Variants in RFX4 observed in about 807,000 individuals in gnomAD.
RFX4 encodes the protein transcription factor RFX4.
RFX4 carries 10 observed loss-of-function variants against 95.0 expected under a neutral mutation model. That is an observed-to-expected ratio of 0.11 (90% confidence interval 0.06 to 0.18). The LOEUF is 0.18. RFX4 is among the 10% of genes least tolerant of loss of function. The probability of loss-of-function intolerance (pLI) is 1.00; values close to 1 mark genes in which losing one functional copy is unlikely to be tolerated. For synonymous variants in RFX4, 321 were observed against 340.7 expected (o/e 0.94, Z 0.64); for missense variants, 640 against 922.0 (o/e 0.69, Z 3.96).
intron 15 of RFX4, among the ~76,000 whole-genome samples, chr12:106,747,111 C>T (rs1178118615): frequency 6.6e-6 from 1 of 152,116 alleles, no homozygotes; most frequent in African/African-American, 2.4e-5. Flanking sequence ...GGGATCTGGC[C>T]TAGTCTGGGG....
At chr12:106,734,791 G>A (rs912724202) in intron 15 of RFX4, among the ~76,000 whole-genome samples, 1 of 151,392 alleles carries the variant, frequency 6.6e-6, no homozygotes, top group Non-Finnish European at 1.5e-5. Flanking sequence ...GCCAGGCATG[G>A]TGACTCACCC....
At chr12:106,760,057 G>C (rs971612077) in intron 17 of RFX4, among the ~76,000 whole-genome samples, 3 of 152,130 alleles carry the variant, frequency 2.0e-5, no homozygotes, top group Non-Finnish European at 4.4e-5. Flanking sequence ...CAGCCTGTCT[G>C]TCTCCCTCAC....
At chr12:106,734,315 A>G (rs1256890638) in intron 15 of RFX4, among the ~76,000 whole-genome samples, 1 of 152,008 alleles carries the variant, frequency 6.6e-6, no homozygotes, top group African/African-American at 2.4e-5. Flanking sequence ...AATGGTTTAT[A>G]CTGGGCGTGG....
At chr12:106,672,191 G>T (rs984289498) in intron 4 of RFX4, among the ~76,000 whole-genome samples, 1 of 152,166 alleles carries the variant, frequency 6.6e-6, no homozygotes, top group Non-Finnish European at 1.5e-5. Flanking sequence ...AGGGTATCCT[G>T]CATGCTGGGC....
At chr12:106,696,583 T>A in intron 8 of RFX4, 137 bp downstream of exon 8, 1 of 794,778 alleles carries the variant, frequency 1.3e-6, no homozygotes, top group Non-Finnish European at 1.8e-6. Flanking sequence ...TTTTAAATAT[T>A]AAAGTTTATT....
chr12:106,659,290 T>C (rs1280110417), intron 4 of RFX4, among the ~76,000 whole-genome samples: 1 of 152,162 alleles, frequency 6.6e-6, no homozygotes, highest in Non-Finnish European at 1.5e-5. Context: ...TGATCTGATC[T>C]TCTCCTTTCC....
chr12:106,619,248 CT>C (rs2040131846), intron 2 of RFX4, among the ~76,000 whole-genome samples: 2 of 152,210 alleles, frequency 1.3e-5, no homozygotes, highest in Admixed American at 6.5e-5. Flanking sequence ...AGATAAATTC[CT>C]TGCAGATTTA....
rs1403681860 is a variant in RFX4 at position 106,586,781 on chromosome 12, T to C, written c.43+3418T>C. Among the ~76,000 whole-genome samples the C allele has an allele frequency of 6.6e-6, 1 of 152,220 alleles. No individual in the cohort carries two copies. The highest frequency in any genetic ancestry group is 1.5e-5 in the Non-Finnish European group (1 of 68,036). ...CCTTTGTGGGCCCGGGGTAGGGATG[T>C]CCAGTGGCCTTGGCGCCGTGCCCAC... On this transcript the variant is annotated intron_variant, in intron 1 of 17. Coordinates refer to ENST00000392842, the MANE Select transcript of RFX4 (RefSeq NM_213594.3). This position sits in a 1 kb window ranked among gnomAD's most constrained non-coding sequence, Gnocchi z 5.6.
At chr12:106,725,603 TAATA>T (rs2042479256) in intron 13 of RFX4, among the ~76,000 whole-genome samples, 2 of 152,216 alleles carry the variant, frequency 1.3e-5, no homozygotes, top group African/African-American at 4.8e-5. Context: ...AGTTTGGATT[TAATA>T]AATGTTTAGC....
At chr12:106,722,936 T>C (rs1231966340) in intron 13 of RFX4, among the ~76,000 whole-genome samples, 2 of 152,166 alleles carry the variant, frequency 1.3e-5, no homozygotes, top group African/African-American at 4.8e-5. Flanking sequence ...TGTTCCTTGG[T>C]CCCCTCCCCC....
At chr12:106,742,619 C>T (rs949258744) in intron 15 of RFX4, among the ~76,000 whole-genome samples, 1 of 152,202 alleles carries the variant, frequency 6.6e-6, no homozygotes, top group Non-Finnish European at 1.5e-5. Context: ...AAGGGCCTCA[C>T]TCCCAATCTA....
At chr12:106,623,736 G>T (rs2040233258) in intron 2 of RFX4, among the ~76,000 whole-genome samples, 1 of 152,242 alleles carries the variant, frequency 6.6e-6, no homozygotes, top group Admixed American at 6.5e-5. Flanking sequence ...AGTGAGCCAA[G>T]ATCATGCCAC....
At chr12:106,591,773 G>C (rs1038586904) in intron 1 of RFX4, among the ~76,000 whole-genome samples, 1 of 152,166 alleles carries the variant, frequency 6.6e-6, no homozygotes, top group Non-Finnish European at 1.5e-5. Flanking sequence ...TGAAGCAAAA[G>C]CAGCTAAGTA....
chr12:106,588,753 C>G (rs998678461), intron 1 of RFX4, among the ~76,000 whole-genome samples: 1 of 152,168 alleles, frequency 6.6e-6, no homozygotes, highest in Non-Finnish European at 1.5e-5. Context: ...GTTCTGACAT[C>G]TATGTCAAAT....
intron 8 of RFX4, among the ~76,000 whole-genome samples, chr12:106,705,556 T>C (rs1163674720): frequency 5.3e-5 from 8 of 152,076 alleles, no homozygotes; most frequent in Admixed American, 1.3e-4. Flanking sequence ...TAGGGAGGCA[T>C]CTCTTAGAGC....
chr12:106,722,026 C>CTT (rs2042405122), intron 13 of RFX4, among the ~76,000 whole-genome samples: 1 of 152,214 alleles, frequency 6.6e-6, no homozygotes, highest in Admixed American at 6.5e-5. Context: ...TCTGAACCTG[C>CTT]CTGCACCATG....
intron 6 of RFX4, 127 bp from the exon 7 acceptor site, chr12:106,689,160 G>A (rs1346469735): frequency 1.1e-5 from 9 of 801,296 alleles, no homozygotes; most frequent in Non-Finnish European, 1.7e-5. Flanking sequence ...CTGGTAGGCT[G>A]AGCCGGTGTT....
chr12:106,749,857 G>T (rs1431277256), intron 16 of RFX4, among the ~76,000 whole-genome samples: 2 of 152,172 alleles, frequency 1.3e-5, no homozygotes, highest in Non-Finnish European at 1.5e-5. Flanking sequence ...ACGCCATGGT[G>T]CTCTCCCCCC....
intron 13 of RFX4, among the ~76,000 whole-genome samples, chr12:106,721,326 C>A (rs1468741845): frequency 6.6e-6 from 1 of 152,158 alleles, no homozygotes; most frequent in Non-Finnish European, 1.5e-5. Context: ...TAAAAATGTA[C>A]TCTAGTCTAA....
Sources: gnomAD v4.1 joint callset for allele counts (sites outside exome capture counted in the v4.1 genomes callset) on GRCh38, gnomAD v4.1.1 for gene constraint, Gnocchi (gnomAD v3.1) non-coding constraint, MANE v1.5 for transcripts, NCBI Gene and HGNC (gene_info 2026-07-23, HGNC 2026-07-21) for gene names.